The following SLC8A1 variants were observed in gnomAD, a reference collection of about 807,000 sequenced individuals.
The protein encoded by SLC8A1 is sodium/calcium exchanger 1.
SLC8A1 carries 18 observed loss-of-function variants against 68.3 expected under a neutral mutation model. That is an observed-to-expected ratio of 0.26 (90% CI 0.18 to 0.39). SLC8A1 has a LOEUF of 0.39. SLC8A1 is among the 10% of genes least tolerant of loss of function. The probability of loss-of-function intolerance (pLI) is 1.00; values close to 1 mark genes in which losing one functional copy is unlikely to be tolerated. For missense variants in SLC8A1, 985 were observed against 1,156.7 expected (o/e 0.85, Z 2.15); for synonymous variants, 475 against 415.5 (o/e 1.14, Z -1.74).
chr2:40,171,694 A>G (rs1015880331), intron 4 of SLC8A1, among the ~76,000 whole-genome samples: 6 of 152,210 alleles, frequency 3.9e-5, no homozygotes, highest in South Asian at 2.1e-4. Context: ...TTCCTCCCCT[A>G]TGTGTGAGAA....
intron 2 of SLC8A1, among the ~76,000 whole-genome samples, chr2:40,322,062 C>T (rs1032897244): frequency 3.3e-5 from 5 of 152,048 alleles, no homozygotes; most frequent in Admixed American, 3.3e-4. Flanking sequence ...TCACAAAGTT[C>T]ACATATTTTT....
intron 2 of SLC8A1, among the ~76,000 whole-genome samples, chr2:40,329,671 T>C (rs565771828): frequency 6.6e-5 from 10 of 152,238 alleles, no homozygotes; most frequent in South Asian, 6.2e-4. Flanking sequence ...TTAGCAAGGA[T>C]AGGGTGCTGC....
At chr2:40,181,206 C>A (rs539449200) in intron 2 of SLC8A1, among the ~76,000 whole-genome samples, 32 of 152,142 alleles carry the variant, frequency 2.1e-4, no homozygotes, top group African/African-American at 7.7e-4. Flanking sequence ...GCGATCCACC[C>A]GCCTTGGCCT....
chr2:40,170,493 C>T lies in SLC8A1; in HGVS notation c.1930+4332G>A, dbSNP rs549772204. On this transcript the variant is annotated intron_variant, in intron 4 of 7. Transcript: ENST00000406785. Reference sequence around the variant, plus strand: ...GTTTGGGGATTCAATGATCATAGGTCACCCCTAGGTAGGTCACAGAAGGGA... The same window carrying T: ...GTTTGGGGATTCAATGATCATAGGTTACCCCTAGGTAGGTCACAGAAGGGA... The T allele has an allele frequency of 2.3e-5, 16 of 694,294 alleles. No individual in the cohort carries two copies. The East Asian group carries it at 4.1e-4, about 18-fold the overall frequency. 43.0% of individuals were successfully genotyped at this position (694,294 alleles called of 1,614,324 possible). A position where few individuals can be genotyped will look rare whatever the true frequency, so the allele number is the denominator to read the frequency against.
chr2:40,217,144 C>T (rs2057624133), intron 2 of SLC8A1, among the ~76,000 whole-genome samples: 1 of 152,104 alleles, frequency 6.6e-6, no homozygotes, highest in Admixed American at 6.6e-5. Context: ...AGTCTTGAAT[C>T]CATCTTGAGT....
At chr2:40,303,691 A>C (rs2071994056) in intron 2 of SLC8A1, among the ~76,000 whole-genome samples, 1 of 152,196 alleles carries the variant, frequency 6.6e-6, no homozygotes, top group Non-Finnish European at 1.5e-5. Context: ...ATAATTTGCT[A>C]TAAAAATGGA....
intron 2 of SLC8A1, chr2:40,250,418 T>G (rs2062552079): frequency 6.6e-6 from 1 of 152,206 alleles, no homozygotes; most frequent in South Asian, 2.1e-4. Context: ...CCAATATTAT[T>G]AAAATTAGTG....
intron 6 of SLC8A1, among the ~76,000 whole-genome samples, chr2:40,150,723 A>G (rs997873487): frequency 6.6e-6 from 1 of 152,228 alleles, no homozygotes; most frequent in Non-Finnish European, 1.5e-5. Flanking sequence ...ATTTAAGAGA[A>G]GAACAGACCA....
chr2:40,442,894 T>G (rs1396789784), intron 1 of SLC8A1, among the ~76,000 whole-genome samples: 1 of 152,086 alleles, frequency 6.6e-6, no homozygotes, highest in Non-Finnish European at 1.5e-5. Context: ...GAAAATTTGG[T>G]ACATAGACAC....
At position 40,225,534 on chromosome 2, in the gene SLC8A1, G is replaced by A. The variant is rs995624801; in HGVS notation, c.1809-47679C>T. Among the ~76,000 whole-genome samples the A allele has an allele frequency of 2.0e-5, 3 of 152,030 alleles. No homozygotes were observed. The East Asian group carries it at 5.8e-4, about 29-fold the overall frequency. The stretch of plus-strand genomic sequence containing the variant: ...GGAGAGAAGGCACTAGAGGTGGGAC[G>A]GAGTTAAAGACTATAATGAATCTTG... On this transcript the variant is annotated intron_variant, in intron 2 of 7. Transcript: ENST00000406785.
At chr2:40,374,369 T>TAACAAC (rs1174653460) in intron 2 of SLC8A1, among the ~76,000 whole-genome samples, 1 of 151,522 alleles carries the variant, frequency 6.6e-6, no homozygotes. Context: ...ATATTTATAT[T>TAACAAC]AAAAACAAAA....
chr2:40,450,740 A>G (rs1432543525), intron 1 of SLC8A1, among the ~76,000 whole-genome samples: 1 of 152,200 alleles, frequency 6.6e-6, no homozygotes, highest in African/African-American at 2.4e-5. Context: ...CTAGCAGGAG[A>G]GAGAGAGAGC....
At chr2:40,285,423 C>T (rs2068152644) in intron 2 of SLC8A1, among the ~76,000 whole-genome samples, 1 of 152,110 alleles carries the variant, frequency 6.6e-6, no homozygotes, top group Non-Finnish European at 1.5e-5. Context: ...CTAGTGTTTT[C>T]TTTTTTTGTT....
chr2:40,258,930 TAA>T lies in SLC8A1; in HGVS notation c.1809-81077_1809-81076del, dbSNP rs34217103. ...GGTTGTAATTGAACCAGAAAGAAAA[TAA>T]AAAAAAAAAAAGGAAATACTTTTCT... On this transcript the variant is annotated intron_variant, in intron 2 of 7. Transcript: ENST00000406785. 7.1e-3 allele frequency among the ~76,000 whole-genome samples: 973 copies of T among 136,796 alleles called. 15 individuals carry two copies. Among genetic ancestry groups the T allele is most frequent in the East Asian group, 0.051 (238 of 4,674 alleles). The allele number at this position is 136,796 out of a possible 152,430, so 89.7% of individuals were successfully genotyped here.
intron 2 of SLC8A1, among the ~76,000 whole-genome samples, chr2:40,376,587 G>C (rs923136620): frequency 1.3e-5 from 2 of 151,930 alleles, no homozygotes; most frequent in African/African-American, 4.8e-5. Flanking sequence ...GAAAGGAAAA[G>C]GGAAAGGGAA....
intron 2 of SLC8A1, among the ~76,000 whole-genome samples, chr2:40,368,043 T>C (rs1466229488): frequency 6.6e-6 from 1 of 152,118 alleles, no homozygotes; most frequent in Non-Finnish European, 1.5e-5. Context: ...TTTTAATCTA[T>C]CATGCACATT....
intron 5 of SLC8A1, among the ~76,000 whole-genome samples, chr2:40,162,505 C>G (rs2045857332): frequency 6.6e-6 from 1 of 152,168 alleles, no homozygotes; most frequent in South Asian, 2.1e-4. Flanking sequence ...CAAGAAATAG[C>G]TGCTAAAGAA....
intron 5 of SLC8A1, among the ~76,000 whole-genome samples, chr2:40,162,959 C>G (rs2045944427): frequency 6.6e-6 from 1 of 152,052 alleles, no homozygotes; most frequent in East Asian, 1.9e-4. Flanking sequence ...TACCTATGTT[C>G]TAGTAAAAGA....
In SLC8A1 at chr2:40,174,885, T is replaced by C. The variant is rs180723215; in HGVS notation, c.1913-43A>G. 1.2e-4 allele frequency: 185 copies of C among 1,578,038 alleles called. No homozygotes were observed. The African/African-American group carries it at 2.2e-3, about 19-fold the overall frequency. On this transcript the variant is annotated intron_variant, in intron 3 of 7. Transcript: ENST00000406785. ...AACAACAAATGTTATAATTTGACACTCTACATAACAAATACCAGTGACATC... is the reference window on the plus strand; with the variant it reads ...AACAACAAATGTTATAATTTGACACCCTACATAACAAATACCAGTGACATC...
Sources: allele counts gnomAD v4.1 joint callset (sites outside exome capture counted in the v4.1 genomes callset), GRCh38; gene constraint gnomAD v4.1.1; transcripts MANE v1.5; gene names NCBI Gene and HGNC (gene_info 2026-07-23, HGNC 2026-07-21).